HNRNPA1: variants seen among roughly 807,000 people sequenced by gnomAD.
The protein encoded by HNRNPA1 is heterogeneous nuclear ribonucleoprotein A1, also known as epididymis secretory sperm binding protein.
In HNRNPA1, 7 loss-of-function variants were observed where a neutral mutation model predicts 44.4. That is an observed-to-expected ratio of 0.16 (90% CI 0.09 to 0.30). The LOEUF (loss-of-function observed/expected upper bound fraction) is 0.30. HNRNPA1 is among the 10% of genes least tolerant of loss of function. HNRNPA1 has a pLI of 1.00. For missense variants in HNRNPA1, 193 were observed against 465.8 expected (o/e 0.41, Z 5.39); for synonymous variants, 169 against 160.6 (o/e 1.05, Z -0.40).
At chr12:54,281,577 C>T (rs963062190) in intron 2 of HNRNPA1, 75 bp downstream of exon 2, 5 of 1,113,166 alleles carry the variant, frequency 4.5e-6, no homozygotes, top group African/African-American at 3.1e-5. Flanking sequence ...TCTCCGAATG[C>T]TTATGAAAGT....
At chr12:54,281,592 A>G in intron 2 of HNRNPA1, 90 bp downstream of exon 2, 1 of 1,047,260 alleles carries the variant, frequency 9.5e-7, no homozygotes, top group Non-Finnish European at 1.5e-6. Context: ...GAAAGTAGTT[A>G]ATAGCATTAT....
At chr12:54,280,911 C>A in intron 1 of HNRNPA1, 89 bp downstream of exon 1, 1 of 1,418,312 alleles carries the variant, frequency 7.1e-7, no homozygotes, top group Non-Finnish European at 1.0e-6. Context: ...CTTGCACCAG[C>A]CCATTCTACA....
At position 54,286,156 on chromosome 12, in the gene HNRNPA1, C is replaced by G. The variant is rs1235525548; in HGVS notation, c.*1612C>G. 1 of 152,046 alleles carries G rather than the reference C, an allele frequency of 6.6e-6. No homozygotes were observed. Among genetic ancestry groups the G allele is most frequent in the African/African-American group, 2.4e-5 (1 of 41,332 alleles). 9.4% of individuals were successfully genotyped at this position (152,046 alleles called of 1,614,324 possible). A position where few individuals can be genotyped will look rare whatever the true frequency, so the allele number is the denominator to read the frequency against. On this transcript the variant is annotated 3_prime_UTR_variant, in exon 11 of 11. Coordinates refer to ENST00000340913, the MANE Select transcript of HNRNPA1 (RefSeq NM_031157.4). ...AGCCAGGGGCAGGCCACGGCACGCT[C>G]CATGAAAGCTAGGAGGGAGTGAAAT...
At chr12:54,281,157 C>T (rs190692098) in intron 1 of HNRNPA1, 6 of 698,416 alleles carry the variant, frequency 8.6e-6, no homozygotes, top group Admixed American at 2.0e-5. Context: ...CCGCCCAAGC[C>T]TTTGTTGCGC....
In HNRNPA1 at chr12:54,285,969, T is replaced by C. The variant is rs1025377103; in HGVS notation, c.*1425T>C. ...GCAATAGCAGGTGGAACCCTAACTATTGAGGGAGTTTGCAGATACCTCAGG... is the reference window on the plus strand; with the variant it reads ...GCAATAGCAGGTGGAACCCTAACTACTGAGGGAGTTTGCAGATACCTCAGG... On this transcript the variant is annotated 3_prime_UTR_variant, in exon 11 of 11. Transcript: ENST00000340913. 6.6e-6 allele frequency: 1 copy of C among 152,152 alleles called. No homozygotes were observed. Among genetic ancestry groups the C allele is most frequent in the African/African-American group, 2.4e-5 (1 of 41,424 alleles). The allele number at this position is 152,152 out of a possible 1,614,324, so 9.4% of individuals were successfully genotyped here.
At chr12:54,284,057 G>T in intron 9 of HNRNPA1, 90 bp downstream of exon 9, 2 of 1,461,724 alleles carry the variant, frequency 1.4e-6, no homozygotes, top group Non-Finnish European at 1.9e-6. Context: ...TGTCTGGGCA[G>T]CAAAACGTTT....
Position 54,283,879 on chromosome 12 carries a change from T to C in HNRNPA1, c.975T>C (p.Phe325=). Residue 325 remains phenylalanine, a synonymous_variant, in exon 9 of 11, where the codon TTT becomes TTC. Coordinates refer to ENST00000340913, the MANE Select transcript of HNRNPA1 (RefSeq NM_031157.4). ...ATTACAACAATCAGTCTTCAAATTT[T>C]GGACCCATGAAGGGAGGAAATTTTG... ...FGNYNNQSSN[F]GPMKGGNFGG... is the part of the protein sequence containing the mutation. The C allele has an allele frequency of 6.2e-7, 1 of 1,613,214 alleles. No homozygotes were observed. The highest frequency in any genetic ancestry group is 1.3e-5 in the African/African-American group (1 of 75,066).
At position 54,283,842 on chromosome 12, in the gene HNRNPA1, A is replaced by C. The variant is rs750008747; in HGVS notation, c.938A>C (p.Asn313Thr). The C allele has an allele frequency of 6.2e-7, 1 of 1,613,850 alleles. No individual in the cohort carries two copies. The highest frequency in any genetic ancestry group is 1.3e-5 in the African/African-American group (1 of 74,936). The change falls in exon 9 of 11, where the codon AAT (asparagine) becomes ACT (threonine). Residue 313 changes from asparagine to threonine, a missense_variant. Transcript: ENST00000340913. ...AATTTTGGAGGTGGTGGAAGCTACA[A>C]TGATTTTGGGAATTACAACAATCAG... is the stretch of plus-strand genomic sequence containing the variant. The part of the protein sequence containing the change: ...GSNFGGGGSY[N>T]DFGNYNNQSS...
intron 7 of HNRNPA1, 40 bp downstream of exon 7, chr12:54,282,914 A>G (rs1944199514): frequency 6.5e-7 from 1 of 1,526,924 alleles, no homozygotes; most frequent in African/African-American, 1.4e-5. Context: ...ATTCCTGGCA[A>G]CCTGGATCTT....
chr12:54,280,924 T>G (rs893871489), intron 1 of HNRNPA1, 102 bp downstream of exon 1: 2 of 1,325,202 alleles, frequency 1.5e-6, no homozygotes, highest in African/African-American at 2.9e-5. Context: ...ATTCTACAGT[T>G]CCTTCGGTCG....
intron 7 of HNRNPA1, 57 bp from the exon 8 acceptor site, chr12:54,283,022 C>A (rs1034492802): frequency 1.9e-6 from 3 of 1,585,480 alleles, no homozygotes; most frequent in East Asian, 4.5e-5. Flanking sequence ...GTTACACTTG[C>A]ACAAGTTTTC....
At chr12:54,281,226 C>G (rs1024038553) in intron 1 of HNRNPA1, 160 bp from the exon 2 acceptor site, 22 of 709,550 alleles carry the variant, frequency 3.1e-5, no homozygotes, top group Non-Finnish European at 5.4e-5. Context: ...CTCCCAACTC[C>G]AGCATACGGC....
rs968942924 is a variant in HNRNPA1 at position 54,282,624 on chromosome 12, G to A, written c.635G>A (p.Gly212Glu). Residue 212 changes from glycine to glutamate, a missense_variant, in exon 6 of 11, where the codon GGG becomes GAG. Around this residue, in one of 2 missense-constraint regions of HNRNPA1, gnomAD observed 136 missense variants for 234.4 expected, o/e 0.58. Transcript: ENST00000340913. ...GGTGGTCGTGGAGGTGGTTTCGGTG[G>A]GAATGACAACTTCGGTCGTGGAGGA... is the stretch of plus-strand genomic sequence containing the variant. Reference protein sequence around the residue: ...FGGGRGGGFGGNDNFGRGGNF... With the variant: ...FGGGRGGGFGENDNFGRGGNF... 1 of 1,613,854 alleles carries A rather than the reference G, an allele frequency of 6.2e-7. No individual in the cohort carries two copies. Among genetic ancestry groups the A allele is most frequent in the African/African-American group, 1.3e-5 (1 of 74,878 alleles).
chr12:54,284,215 T>G, intron 9 of HNRNPA1, 43 bp from the exon 10 acceptor site: 1 of 1,589,614 alleles, frequency 6.3e-7, no homozygotes. Flanking sequence ...AAAACATTAC[T>G]GTTGGCACTT....
At position 54,283,136 on chromosome 12, in the gene HNRNPA1, G is replaced by C; in HGVS notation, c.809G>C (p.Gly270Ala). ...YSGGSRGYGS[G>A]GQGYGNQGSG... ...GGAGGAAGCAGAGGCTATGGAAGTG[G>C]TGGACAGGGTTATGGAAACCAGGGC... is the stretch of plus-strand genomic sequence containing the variant. The change falls in exon 8 of 11, where the codon GGT becomes GCT. Residue 270 changes from glycine (G) to alanine (A), a missense_variant. Transcript: ENST00000340913. 6.2e-7 allele frequency: 1 copy of C among 1,613,672 alleles called. No individual in the cohort carries two copies. The highest frequency in any genetic ancestry group is 8.5e-7 in the Non-Finnish European group (1 of 1,179,772).
Position 54,285,797 on chromosome 12 carries a change from C to T in HNRNPA1, c.*1253C>T, listed in dbSNP as rs1419818829. On this transcript the variant is annotated 3_prime_UTR_variant, in exon 11 of 11. Coordinates refer to ENST00000340913, the MANE Select transcript of HNRNPA1 (RefSeq NM_031157.4). ...ATTTCAGTGCTATTGTACCTAGTAG[C>T]ATAGAGATTTGTCTATCAATAGGAC... 6.8e-6 allele frequency: 1 copy of T among 146,566 alleles called. No homozygotes were observed. Among genetic ancestry groups the T allele is most frequent in the East Asian group, 2.0e-4 (1 of 4,888 alleles). The allele number at this position is 146,566 out of a possible 1,614,324, so 9.1% of individuals were successfully genotyped here.
intron 7 of HNRNPA1, 92 bp from the exon 8 acceptor site, chr12:54,282,987 G>C (rs1210172667): frequency 1.3e-6 from 2 of 1,505,480 alleles, no homozygotes; most frequent in Middle Eastern, 2.3e-4. Context: ...CCCATAACAC[G>C]CATGCTGTGA....
At position 54,283,991 on chromosome 12, in the gene HNRNPA1, A is replaced by G. The variant is rs772727031; in HGVS notation, c.1063+24A>G. 6 of 1,602,774 alleles carry G rather than the reference A, an allele frequency of 3.7e-6. No homozygotes were observed. In the African/African-American group the frequency reaches 4.0e-5, roughly 11 times the overall value. ...AGGTATGGTATCTATGTAATTTTGG[A>G]TAATGTCAAAAGAGTGTCTGTAGCT... On this transcript the variant is annotated intron_variant, in intron 9 of 10. Transcript: ENST00000340913.
At position 54,282,780 on chromosome 12, in the gene HNRNPA1, C is replaced by G. The variant is rs373072058; in HGVS notation, c.677-20C>G. 151 of 1,561,090 alleles carry G rather than the reference C, an allele frequency of 9.7e-5. No individual in the cohort carries two copies. Among genetic ancestry groups the G allele is most frequent in the Non-Finnish European group, 1.3e-4 (146 of 1,151,534 alleles). On this transcript the variant is annotated intron_variant, in intron 6 of 10. Coordinates refer to ENST00000340913, the MANE Select transcript of HNRNPA1 (RefSeq NM_031157.4). ...CTTTAAGTCCAAGTCATACTTAAAA[C>G]TTGAAACTTTTTCTTACAGGTGGCT...
Sources: allele counts gnomAD v4.1 joint callset, GRCh38; gene constraint gnomAD v4.1.1; regional missense constraint gnomAD v4.1.1; transcripts MANE v1.5; gene names NCBI Gene and HGNC (gene_info 2026-07-23, HGNC 2026-07-21).